The following DIAPH3 variants were observed in gnomAD, a reference collection of about 807,000 sequenced individuals.
DIAPH3 encodes the protein protein diaphanous homolog 3.
DIAPH3 carries 117 observed loss-of-function variants against 144.3 expected under a neutral mutation model. The observed-to-expected ratio is 0.81, with a 90% confidence interval of 0.70 to 0.95. The LOEUF is 0.95. Among genes scored for constraint, DIAPH3 ranks in the 40% least tolerant of loss-of-function variants. The pLI is 0.00. For missense variants in DIAPH3, 1,421 were observed against 1,412.7 expected (o/e 1.01, Z -0.09); for synonymous variants, 519 against 488.9 (o/e 1.06, Z -0.81).
At chr13:59,953,090 A>G (rs1375552663) in intron 17 of DIAPH3, among the ~76,000 whole-genome samples, 1 of 152,144 alleles carries the variant, frequency 6.6e-6, no homozygotes, top group Non-Finnish European at 1.5e-5. Context: ...AAAGGAAAAC[A>G]TGGCAGGATT....
intron 25 of DIAPH3, among the ~76,000 whole-genome samples, chr13:59,807,675 T>C (rs942132741): frequency 5.3e-5 from 8 of 152,152 alleles, no homozygotes; most frequent in African/African-American, 1.9e-4. Context: ...GGTGAAGATT[T>C]TACATTTACT....
At chr13:59,961,194 C>T (rs1314600395) in intron 17 of DIAPH3, among the ~76,000 whole-genome samples, 1 of 152,190 alleles carries the variant, frequency 6.6e-6, no homozygotes, top group African/African-American at 2.4e-5. Flanking sequence ...CAAAACTTTA[C>T]AAGTTGAAAT....
chr13:60,011,030 G>A (rs570582197), intron 7 of DIAPH3, among the ~76,000 whole-genome samples: 2 of 151,862 alleles, frequency 1.3e-5, no homozygotes, highest in South Asian at 4.2e-4. Flanking sequence ...ACTTGGACCC[G>A]AGAGGTGGAC....
At chr13:59,923,820 G>C (rs1452570157) in intron 18 of DIAPH3, among the ~76,000 whole-genome samples, 2 of 152,054 alleles carry the variant, frequency 1.3e-5, no homozygotes, top group Non-Finnish European at 2.9e-5. Context: ...AAAAGAGATG[G>C]GTTTAGATCA....
At chr13:59,734,264 G>A (rs1007536728) in intron 27 of DIAPH3, among the ~76,000 whole-genome samples, 1 of 151,996 alleles carries the variant, frequency 6.6e-6, no homozygotes, top group African/African-American at 2.4e-5. Context: ...GTGACATTCT[G>A]CATTAAAACA....
intron 22 of DIAPH3, among the ~76,000 whole-genome samples, chr13:59,848,379 A>G (rs1321789648): frequency 6.8e-6 from 1 of 147,952 alleles, no homozygotes; most frequent in East Asian, 2.0e-4. Context: ...GGTTAGTTAC[A>G]TATGCATACA....
chr13:60,067,275 A>G (rs948923031), intron 4 of DIAPH3, among the ~76,000 whole-genome samples: 2 of 151,768 alleles, frequency 1.3e-5, no homozygotes, highest in African/African-American at 4.8e-5. Flanking sequence ...ACAGTGTGAG[A>G]CCCTATATCA....
At chr13:60,098,919 C>G (rs2058184293) in intron 3 of DIAPH3, among the ~76,000 whole-genome samples, 1 of 152,118 alleles carries the variant, frequency 6.6e-6, no homozygotes, top group Non-Finnish European at 1.5e-5. Context: ...AGTGAGTAAT[C>G]TGAATGAGGT....
intron 27 of DIAPH3, among the ~76,000 whole-genome samples, chr13:59,756,170 T>G (rs948135853): frequency 6.6e-6 from 1 of 152,116 alleles, no homozygotes; most frequent in East Asian, 1.9e-4. Flanking sequence ...GTAATTCTGG[T>G]GCATGCTGAA....
At chr13:60,052,035 C>T (rs2056370695) in intron 4 of DIAPH3, among the ~76,000 whole-genome samples, 1 of 152,146 alleles carries the variant, frequency 6.6e-6, no homozygotes, top group Non-Finnish European at 1.5e-5. Context: ...CAGATGCATG[C>T]TGTGCTGAGG....
At chr13:60,075,499 A>G (rs2141372560) in intron 4 of DIAPH3, among the ~76,000 whole-genome samples, 1 of 152,258 alleles carries the variant, frequency 6.6e-6, no homozygotes, top group Non-Finnish European at 1.5e-5. Flanking sequence ...CTCTCACTTG[A>G]AGATTAATTT....
chr13:60,148,179 T>A (rs374670821), intron 1 of DIAPH3, among the ~76,000 whole-genome samples: 1 of 152,158 alleles, frequency 6.6e-6, no homozygotes. Flanking sequence ...AGAAAGCAGA[T>A]AAATTCGAGT....
chr13:59,979,447 C>T (rs1057327172), intron 14 of DIAPH3, among the ~76,000 whole-genome samples: 6 of 151,540 alleles, frequency 4.0e-5, no homozygotes, highest in African/African-American at 1.2e-4. Flanking sequence ...CACTGTAACA[C>T]TATGAGACTA....
intron 27 of DIAPH3, among the ~76,000 whole-genome samples, chr13:59,751,550 A>G (rs1390518980): frequency 2.0e-5 from 3 of 152,374 alleles, no homozygotes; most frequent in Non-Finnish European, 4.4e-5. Context: ...ATCAACTGCT[A>G]TGACATAAAT....
chr13:60,051,427 C>T (rs1261962983), intron 4 of DIAPH3, among the ~76,000 whole-genome samples: 1 of 152,058 alleles, frequency 6.6e-6, no homozygotes, highest in Non-Finnish European at 1.5e-5. Flanking sequence ...CGAGACCAGC[C>T]TGGCCAACAT....
At chr13:60,067,342 C>G (rs2141328309) in intron 4 of DIAPH3, among the ~76,000 whole-genome samples, 1 of 152,076 alleles carries the variant, frequency 6.6e-6, no homozygotes, top group Non-Finnish European at 1.5e-5. Flanking sequence ...TTTACATCTT[C>G]CAATGCATTT....
At chr13:59,955,124 A>ATATTTG (rs959735742) in intron 17 of DIAPH3, among the ~76,000 whole-genome samples, 5 of 151,466 alleles carry the variant, frequency 3.3e-5, no homozygotes, top group Admixed American at 2.0e-4. Flanking sequence ...ACTTTTATAT[A>ATATTTG]TATTTGTATT....
chr13:60,049,901 C>T (rs929374746), intron 4 of DIAPH3, among the ~76,000 whole-genome samples: 1 of 152,176 alleles, frequency 6.6e-6, no homozygotes, highest in Non-Finnish European at 1.5e-5. Context: ...GAAAATAACG[C>T]TTGTGCGGCT....
chr13:59,953,491 AAGTC>A (rs2049212464), intron 17 of DIAPH3, among the ~76,000 whole-genome samples: 1 of 152,196 alleles, frequency 6.6e-6, no homozygotes, highest in Non-Finnish European at 1.5e-5. Context: ...GACGTACTCT[AAGTC>A]AGTCAGCCAC....
Sources: allele counts gnomAD v4.1 joint callset (sites outside exome capture counted in the v4.1 genomes callset), GRCh38; gene constraint gnomAD v4.1.1; transcripts MANE v1.5; gene names NCBI Gene and HGNC (gene_info 2026-07-23, HGNC 2026-07-21).